The following ATF7IP2 variants were observed in gnomAD, a reference collection of about 807,000 sequenced individuals.
ATF7IP2 encodes activating transcription factor 7-interacting protein 2.
A neutral mutation model predicts 64.2 loss-of-function variants in ATF7IP2; 42 were observed. The observed-to-expected ratio is 0.65, with a 90% CI of 0.51 to 0.85. The LOEUF (loss-of-function observed/expected upper bound fraction) is 0.85, where lower values mean the gene tolerates loss of function less well. ATF7IP2 is among the 40% of genes least tolerant of loss of function. The pLI is 0.00. For synonymous variants in ATF7IP2, 308 were observed against 272.8 expected, an observed-to-expected ratio of 1.13 and a Z score of -1.27; for missense variants, 933 against 784.2, an observed-to-expected ratio of 1.19 and a Z score of -2.27.
intron 1 of ATF7IP2, among the ~76,000 whole-genome samples, chr16:10,391,159 A>G (rs1472500212): frequency 6.7e-6 from 1 of 148,682 alleles, no homozygotes; most frequent in Non-Finnish European, 1.5e-5. Context: ...CCTGTCTCAA[A>G]AAAAAAAAAA....
chr16:10,391,485 A>G (rs1311120487), intron 1 of ATF7IP2, among the ~76,000 whole-genome samples: 4 of 152,238 alleles, frequency 2.6e-5, no homozygotes, highest in African/African-American at 7.2e-5. Flanking sequence ...ATAGGAAGCT[A>G]GCAAACTTAA....
chr16:10,452,362 G>A (rs1464555162), intron 8 of ATF7IP2, among the ~76,000 whole-genome samples: 1 of 152,118 alleles, frequency 6.6e-6, no homozygotes, highest in South Asian at 2.1e-4. Flanking sequence ...TTACTCTTCT[G>A]TCAGGCCCCT....
intron 10 of ATF7IP2, 27 bp downstream of exon 10, chr16:10,472,210 T>A (rs538353066): frequency 7.9e-7 from 1 of 1,262,064 alleles, no homozygotes; most frequent in Non-Finnish European, 1.1e-6. Context: ...TAGAATATGA[T>A]CTATCAAGTT....
intron 1 of ATF7IP2, among the ~76,000 whole-genome samples, chr16:10,411,125 T>A (rs187850278): frequency 6.6e-5 from 10 of 152,346 alleles, no homozygotes; most frequent in African/African-American, 2.4e-4. Context: ...TAGTATTTTG[T>A]TAAGGACTTT....
At chr16:10,473,176 T>G (rs1253072656) in intron 10 of ATF7IP2, among the ~76,000 whole-genome samples, 6 of 152,192 alleles carry the variant, frequency 3.9e-5, no homozygotes, top group Admixed American at 3.9e-4. Flanking sequence ...AAAAATACTG[T>G]GAATTAAAAG....
chr16:10,412,205 T>G (rs1209923253), intron 1 of ATF7IP2, among the ~76,000 whole-genome samples: 9 of 151,870 alleles, frequency 5.9e-5, no homozygotes. Flanking sequence ...GTTATATTCT[T>G]TCTTGTGCTG....
chr16:10,479,958 C>CCTT (rs2050155906), intron 12 of ATF7IP2, among the ~76,000 whole-genome samples: 1 of 80,568 alleles, frequency 1.2e-5, no homozygotes, highest in Non-Finnish European at 2.4e-5. Context: ...ACTGGAAATA[C>CCTT]TTTTTTTTTT....
chr16:10,403,380 G>T (rs2047573106), intron 1 of ATF7IP2, among the ~76,000 whole-genome samples: 1 of 152,048 alleles, frequency 6.6e-6, no homozygotes, highest in African/African-American at 2.4e-5. Context: ...CCACACTAAG[G>T]CTTTTTAGAA....
intron 8 of ATF7IP2, among the ~76,000 whole-genome samples, chr16:10,456,607 G>A (rs936227674): frequency 3.9e-5 from 6 of 152,088 alleles, no homozygotes; most frequent in Non-Finnish European, 5.9e-5. Context: ...AGCCCCTGCC[G>A]GTGCCACCTC....
intron 9 of ATF7IP2, among the ~76,000 whole-genome samples, chr16:10,463,170 G>C (rs1278442138): frequency 6.6e-6 from 1 of 152,146 alleles, no homozygotes; most frequent in Non-Finnish European, 1.5e-5. Flanking sequence ...TGTTAGGACA[G>C]TTGCTAATTT....
chr16:10,420,799 G>A (rs1008905902), intron 3 of ATF7IP2, among the ~76,000 whole-genome samples: 1 of 152,208 alleles, frequency 6.6e-6, no homozygotes, highest in Non-Finnish European at 1.5e-5. Context: ...ATCGAAGGCA[G>A]TCAATACCTC....
intron 7 of ATF7IP2, 52 bp from the exon 8 acceptor site, chr16:10,440,312 G>A (rs975897811): frequency 9.2e-6 from 8 of 866,218 alleles, no homozygotes; most frequent in Non-Finnish European, 1.2e-5. Flanking sequence ...CTATCTCTAT[G>A]TGATATATAG....
intron 3 of ATF7IP2, among the ~76,000 whole-genome samples, chr16:10,423,936 A>G (rs1431207697): frequency 6.6e-6 from 1 of 152,218 alleles, no homozygotes; most frequent in Non-Finnish European, 1.5e-5. Context: ...ACGCATAGAA[A>G]TATAGAGTGT....
chr16:10,408,123 G>C (rs373531481), intron 1 of ATF7IP2, among the ~76,000 whole-genome samples: 1 of 152,006 alleles, frequency 6.6e-6, no homozygotes, highest in East Asian at 1.9e-4. Context: ...TGTTGGCCAG[G>C]ATGATCTTGA....
At chr16:10,443,449 G>A (rs545458257) in intron 8 of ATF7IP2, among the ~76,000 whole-genome samples, 2 of 152,304 alleles carry the variant, frequency 1.3e-5, no homozygotes, top group South Asian at 4.1e-4. Flanking sequence ...TGAAGGCCAT[G>A]CAAGTAGAAA....
chr16:10,401,608 A>T (rs1041818830), intron 1 of ATF7IP2, among the ~76,000 whole-genome samples: 1 of 152,078 alleles, frequency 6.6e-6, no homozygotes, highest in African/African-American at 2.4e-5. Context: ...AAGTGATACT[A>T]TCTTCATAGA....
intron 8 of ATF7IP2, among the ~76,000 whole-genome samples, chr16:10,451,582 C>G (rs1360923111): frequency 1.3e-5 from 2 of 151,924 alleles, no homozygotes; most frequent in Admixed American, 1.3e-4. Flanking sequence ...TCTTCAATCT[C>G]TGATATCCTT....
intron 9 of ATF7IP2, among the ~76,000 whole-genome samples, chr16:10,462,749 T>C (rs539253015): frequency 3.3e-5 from 5 of 152,256 alleles, no homozygotes; most frequent in African/African-American, 9.6e-5. Context: ...CCTTTCATTA[T>C]CTTGGGAAAA....
intron 8 of ATF7IP2, chr16:10,449,559 T>C (rs1324021675): frequency 1.3e-5 from 2 of 152,238 alleles, no homozygotes; most frequent in Non-Finnish European, 2.9e-5. Flanking sequence ...CAGGAATTTA[T>C]ACATTTCTTC....
Sources: allele counts gnomAD v4.1 joint callset (sites outside exome capture counted in the v4.1 genomes callset), GRCh38; gene constraint gnomAD v4.1.1; transcripts MANE v1.5; gene names NCBI Gene and HGNC (gene_info 2026-07-23, HGNC 2026-07-21).